The following GIGYF2 variants were observed in gnomAD, a reference collection of about 807,000 sequenced individuals.
GIGYF2 encodes the protein GRB10-interacting GYF protein 2.
GIGYF2 carries 25 observed loss-of-function variants against 208.1 expected under a neutral mutation model. The observed-to-expected ratio is 0.12, with a 90% CI of 0.09 to 0.17. The LOEUF is 0.17. Among genes scored for constraint, GIGYF2 ranks in the 10% least tolerant of loss-of-function variants. The pLI, the probability that GIGYF2 is intolerant of heterozygous loss-of-function variation, is 1.00. For missense variants in GIGYF2, 1,302 were observed against 1,579.4 expected, an observed-to-expected ratio of 0.82 and a Z score of 2.98; for synonymous variants, 534 against 543.8, an observed-to-expected ratio of 0.98 and a Z score of 0.25.
At chr2:232,722,071 A>G (rs919239738) in intron 2 of GIGYF2, among the ~76,000 whole-genome samples, 2 of 152,128 alleles carry the variant, frequency 1.3e-5, no homozygotes, top group Non-Finnish European at 1.5e-5. Flanking sequence ...CGTGCTGACA[A>G]AACCCTAACC....
chr2:232,836,263 CATATATATAT>C (rs1156576756), intron 22 of GIGYF2, among the ~76,000 whole-genome samples: 3 of 38,626 alleles, frequency 7.8e-5, no homozygotes, highest in East Asian at 5.6e-4. Context: ...CCCATCTCTA[CATATATATAT>C]ATATATATAT....
chr2:232,838,455 G>T (rs1559162210), intron 22 of GIGYF2, among the ~76,000 whole-genome samples: 1 of 152,210 alleles, frequency 6.6e-6, no homozygotes, highest in Non-Finnish European at 1.5e-5. Flanking sequence ...TCTATTCCCA[G>T]TGCTGGCTGA....
rs1400076481 is a variant in GIGYF2, at chr2:232,756,749, G to A, written c.379+415G>A. Among the ~76,000 whole-genome samples the A allele has an allele frequency of 3.3e-5, 5 of 152,306 alleles. No homozygotes were observed. The East Asian group carries it at 9.7e-4, about 29-fold the overall frequency. On this transcript the variant is annotated intron_variant, in intron 6 of 28. Transcript: ENST00000373563. ...CAAGAGCTTCTCCAGCCAGAGAGGG[G>A]CTTTAACAAAAACTGCCTCATCAGG...
chr2:232,710,832 T>C (rs1291276080), intron 2 of GIGYF2, among the ~76,000 whole-genome samples: 1 of 151,646 alleles, frequency 6.6e-6, no homozygotes, highest in Admixed American at 6.6e-5. Flanking sequence ...CCCAGGTAGG[T>C]GGGATTACAG....
chr2:232,768,520 G>A, intron 8 of GIGYF2: 1 of 1,614,106 alleles, frequency 6.2e-7, no homozygotes, highest in Non-Finnish European at 8.5e-7. Flanking sequence ...GTAGCCAGAG[G>A]ACTTGATGGT....
intron 6 of GIGYF2, among the ~76,000 whole-genome samples, chr2:232,759,890 T>C (rs1698681635): frequency 6.6e-6 from 1 of 152,170 alleles, no homozygotes; most frequent in Non-Finnish European, 1.5e-5. Context: ...GGTTCAAGTT[T>C]AGTCCTGATA....
chr2:232,697,873 A>T (rs984348829), intron 1 of GIGYF2, among the ~76,000 whole-genome samples: 1 of 152,032 alleles, frequency 6.6e-6, no homozygotes, highest in Non-Finnish European at 1.5e-5. Flanking sequence ...TCCTGTCCAC[A>T]CCTGGTCCCT....
chr2:232,760,182 A>G (rs1178357530), intron 6 of GIGYF2: 1 of 231,268 alleles, frequency 4.3e-6, no homozygotes, highest in Non-Finnish European at 8.6e-6. Flanking sequence ...ACTTCTTAGA[A>G]TTTCACTATT....
chr2:232,723,203 C>G, intron 2 of GIGYF2, among the ~76,000 whole-genome samples: 1 of 152,158 alleles, frequency 6.6e-6, no homozygotes, highest in Non-Finnish European at 1.5e-5. Flanking sequence ...CTACTTTCCT[C>G]TGGTTACAAG....
At chr2:232,758,136 G>A (rs1054080262) in intron 6 of GIGYF2, among the ~76,000 whole-genome samples, 4 of 152,218 alleles carry the variant, frequency 2.6e-5, no homozygotes, top group African/African-American at 9.6e-5. Flanking sequence ...CTGTGGTTTT[G>A]TGTTTTCCAC....
At chr2:232,751,302 C>T (rs1574836528) in intron 5 of GIGYF2, among the ~76,000 whole-genome samples, 1 of 152,282 alleles carries the variant, frequency 6.6e-6, no homozygotes, top group East Asian at 1.9e-4. Flanking sequence ...GCAACATCTG[C>T]CTCCTGGGTT....
At position 232,858,484 on chromosome 2, in the gene GIGYF2, A is replaced by T. The variant is rs984649747; in HGVS notation, c.*1624A>T. 4.4e-6 allele frequency: 2 copies of T among 455,932 alleles called. No individual in the cohort carries two copies. The highest frequency in any genetic ancestry group is 8.8e-6 in the Non-Finnish European group (2 of 226,718). 28.2% of individuals were successfully genotyped at this position (455,932 alleles called of 1,614,324 possible). A position where few individuals can be genotyped will look rare whatever the true frequency, so the allele number is the denominator to read the frequency against. The stretch of plus-strand genomic sequence containing the variant: ...GAAACCATTAAAAGTTGGGGCTCCT[A>T]CTCTCCTTTGCTTTGTAAATTCAAA... On this transcript the variant is annotated 3_prime_UTR_variant, in exon 29 of 29. Transcript: ENST00000373563.
intron 2 of GIGYF2, chr2:232,734,448 A>G (rs1697644356): frequency 1.3e-5 from 2 of 152,016 alleles, no homozygotes; most frequent in Non-Finnish European, 2.9e-5. Flanking sequence ...GGCTCCAACG[A>G]TTCTCCCATC....
intron 2 of GIGYF2, among the ~76,000 whole-genome samples, chr2:232,722,268 G>A (rs1696978514): frequency 6.6e-6 from 1 of 152,302 alleles, no homozygotes; most frequent in East Asian, 1.9e-4. Flanking sequence ...TCATGGCTGG[G>A]GAGGCCGCAG....
Position 232,847,675 on chromosome 2 carries a change from T to C in GIGYF2, c.3684+104T>C, listed in dbSNP as rs970322631. 3 of 1,457,552 alleles carry C rather than the reference T, an allele frequency of 2.1e-6. No individual in the cohort carries two copies. The African/African-American group carries it at 4.2e-5, about 20-fold the overall frequency. The allele number at this position is 1,457,552 out of a possible 1,614,324, so 90.3% of individuals were successfully genotyped here. On this transcript the variant is annotated intron_variant, in intron 27 of 28. Transcript: ENST00000373563. ...AATACAAAGGTACCATTTTTGTATATCCAATAACCATGCTTTAAAAAATGT... is the reference window on the plus strand; with the variant it reads ...AATACAAAGGTACCATTTTTGTATACCCAATAACCATGCTTTAAAAAATGT...
At chr2:232,845,175 TAAC>T (rs1377536072) in intron 25 of GIGYF2, among the ~76,000 whole-genome samples, 3 of 152,232 alleles carry the variant, frequency 2.0e-5, no homozygotes, top group Non-Finnish European at 4.4e-5. Flanking sequence ...AAGATAATAA[TAAC>T]AACTTTATGC....
At chr2:232,816,842 T>G (rs1700928982) in intron 19 of GIGYF2, 29 bp from the exon 20 acceptor site, 24 of 1,586,898 alleles carry the variant, frequency 1.5e-5, no homozygotes, top group Non-Finnish European at 2.0e-5. Context: ...TGGTTTCAAG[T>G]TTCTAAGAGT....
chr2:232,797,489 TTGTGTGTGTGTGTGTG>T (rs67221198), intron 14 of GIGYF2, among the ~76,000 whole-genome samples: 3 of 145,090 alleles, frequency 2.1e-5, no homozygotes, highest in Admixed American at 6.9e-5. Flanking sequence ...AGAGCAGGGC[TTGTGTGTGTGTGTGTG>T]TGTGTGTGTG....
chr2:232,785,970 T>C (rs2106359055), intron 8 of GIGYF2, among the ~76,000 whole-genome samples: 1 of 152,380 alleles, frequency 6.6e-6, no homozygotes, highest in South Asian at 2.1e-4. Context: ...GATTTTCAAC[T>C]ATTTTGATGT....
Sources: gnomAD v4.1 joint callset for allele counts (sites outside exome capture counted in the v4.1 genomes callset) on GRCh38, gnomAD v4.1.1 for gene constraint, MANE v1.5 for transcripts, NCBI Gene and HGNC (gene_info 2026-07-23, HGNC 2026-07-21) for gene names.